Variants in RAI14 observed in about 807,000 individuals in gnomAD.
RAI14 encodes retinoic acid induced 14.
Under a neutral mutation model 115.4 loss-of-function variants are expected in RAI14, and 45 were observed. The ratio of observed to expected loss-of-function variants is 0.39; its 90% CI spans 0.31 to 0.50. The LOEUF is 0.50. Among genes scored for constraint, RAI14 ranks in the 20% least tolerant of loss-of-function variants. The pLI, the probability that RAI14 is intolerant of heterozygous loss-of-function variation, is 0.85. For synonymous variants in RAI14, 371 were observed against 415.4 expected (o/e 0.89, Z 1.30); for missense variants, 939 against 1,131.2 (o/e 0.83, Z 2.44).
chr5:34,777,016 C>T (rs780977959), intron 3 of RAI14, among the ~76,000 whole-genome samples: 14 of 151,606 alleles, frequency 9.2e-5, no homozygotes, highest in Non-Finnish European at 1.2e-4. Context: ...TAAAAAAATA[C>T]AAAAATTAGC....
intron 3 of RAI14, among the ~76,000 whole-genome samples, chr5:34,778,554 G>C (rs911686639): frequency 2.0e-5 from 3 of 152,120 alleles, no homozygotes; most frequent in African/African-American, 4.8e-5. Flanking sequence ...CTGGGCTTGA[G>C]TTAGGAAGTA....
chr5:34,672,007 T>C (rs1743653247), intron 1 of RAI14, among the ~76,000 whole-genome samples: 1 of 152,194 alleles, frequency 6.6e-6, no homozygotes, highest in Non-Finnish European at 1.5e-5. Flanking sequence ...CCCAGTTAAC[T>C]AGGATTTTGC....
At chr5:34,710,270 G>C (rs554194761) in intron 2 of RAI14, among the ~76,000 whole-genome samples, 3 of 152,268 alleles carry the variant, frequency 2.0e-5, no homozygotes, top group South Asian at 4.2e-4. Flanking sequence ...TTCTGGTTTT[G>C]CTGGCAGTTG....
At chr5:34,756,463 G>A (rs1382831467) in intron 2 of RAI14, among the ~76,000 whole-genome samples, 2 of 152,136 alleles carry the variant, frequency 1.3e-5, no homozygotes, top group Non-Finnish European at 2.9e-5. Context: ...CAGCCGAAGG[G>A]GCCAGAAAGT....
intron 1 of RAI14, among the ~76,000 whole-genome samples, chr5:34,676,346 A>G (rs1743973960): frequency 6.6e-6 from 1 of 152,236 alleles, no homozygotes; most frequent in African/African-American, 2.4e-5. Flanking sequence ...TGTAATGAAC[A>G]TCAAAAGATA....
chr5:34,714,278 C>G (rs1741752535), intron 2 of RAI14, among the ~76,000 whole-genome samples: 3 of 152,054 alleles, frequency 2.0e-5, no homozygotes, highest in Admixed American at 2.0e-4. Flanking sequence ...GTTTCTGTTC[C>G]TCAACTCATT....
chr5:34,692,496 T>C (rs956294214), intron 2 of RAI14, among the ~76,000 whole-genome samples: 1 of 152,098 alleles, frequency 6.6e-6, no homozygotes, highest in African/African-American at 2.4e-5. Context: ...ATCACGCCAC[T>C]GCACTCCAGC....
intron 4 of RAI14, among the ~76,000 whole-genome samples, chr5:34,800,428 G>C (rs529761779): frequency 6.6e-6 from 1 of 152,322 alleles, no homozygotes; most frequent in East Asian, 1.9e-4. Context: ...ACTCTAGACA[G>C]ATCCACAGCT....
rs1020542696 is a variant in RAI14, at chr5:34,728,122, C to T, written c.37-29346C>T. On this transcript the variant is annotated intron_variant, in intron 2 of 17. Transcript: ENST00000265109. ...TTTTGGACTTGCATGGGGCCTGTAGCCCCTTTGTTTTGGCCAATTTCTCCC... is the reference window on the plus strand; with the variant it reads ...TTTTGGACTTGCATGGGGCCTGTAGTCCCTTTGTTTTGGCCAATTTCTCCC... Among the ~76,000 whole-genome samples the T allele has an allele frequency of 2.6e-5, 4 of 152,290 alleles. No individual in the cohort carries two copies. In the East Asian group the frequency reaches 7.7e-4, roughly 29 times the overall value.
rs372479412 is a variant in RAI14 at position 34,795,619 on chromosome 5, A to G, written c.168-320A>G. ...TACTTAGAAATTCAACCTAGTTGGG[A>G]CTTTCTGATTTGTTTCATCAAGAGA... On this transcript the variant is annotated intron_variant, in intron 3 of 17. Transcript: ENST00000265109. Among the ~76,000 whole-genome samples the G allele has an allele frequency of 3.9e-4, 60 of 152,298 alleles. No homozygotes were observed. The South Asian group carries it at 0.012, about 31-fold the overall frequency.
At chr5:34,717,605 C>T (rs190380982) in intron 2 of RAI14, among the ~76,000 whole-genome samples, 1 of 152,172 alleles carries the variant, frequency 6.6e-6, no homozygotes, top group African/African-American at 2.4e-5. Flanking sequence ...AGCAAGGCCT[C>T]CTTAAGGATG....
chr5:34,732,013 A>G (rs1444856840), intron 2 of RAI14, among the ~76,000 whole-genome samples: 1 of 152,184 alleles, frequency 6.6e-6, no homozygotes, highest in African/African-American at 2.4e-5. Context: ...GTCTGTTTTC[A>G]GTCTCCTAAA....
At chr5:34,821,628 G>A in intron 13 of RAI14, 104 bp from the exon 14 acceptor site, 1 of 702,914 alleles carries the variant, frequency 1.4e-6, no homozygotes, top group East Asian at 2.6e-5. Flanking sequence ...TTATAATTAG[G>A]GCCAGGAAGA....
At chr5:34,746,098 C>CT (rs1415743659) in intron 2 of RAI14, among the ~76,000 whole-genome samples, 7 of 133,160 alleles carry the variant, frequency 5.3e-5, no homozygotes, top group East Asian at 2.1e-4. Flanking sequence ...CCCTCCCCCC[C>CT]CCGCCTTTTT....
intron 2 of RAI14, among the ~76,000 whole-genome samples, chr5:34,718,566 A>G (rs1388382483): frequency 2.0e-5 from 3 of 152,208 alleles, no homozygotes; most frequent in Non-Finnish European, 1.5e-5. Context: ...TCTCGTCCCC[A>G]CCAAACTGAG....
At chr5:34,713,236 A>G (rs1004985782) in intron 2 of RAI14, among the ~76,000 whole-genome samples, 2 of 152,196 alleles carry the variant, frequency 1.3e-5, no homozygotes, top group Non-Finnish European at 1.5e-5. Context: ...GGCCAAGGAT[A>G]ACATGGAGTG....
chr5:34,825,509 T>C (rs2150307253), intron 15 of RAI14, among the ~76,000 whole-genome samples: 1 of 152,238 alleles, frequency 6.6e-6, no homozygotes. Context: ...GACTTAATCC[T>C]GTTTCCCTAA....
At chr5:34,713,749 T>A (rs533592748) in intron 2 of RAI14, among the ~76,000 whole-genome samples, 8 of 151,830 alleles carry the variant, frequency 5.3e-5, no homozygotes. Flanking sequence ...TGTCTATGGG[T>A]GTAATTTCCT....
At chr5:34,712,144 T>G (rs1474993736) in intron 2 of RAI14, among the ~76,000 whole-genome samples, 4 of 152,202 alleles carry the variant, frequency 2.6e-5, no homozygotes, top group African/African-American at 9.7e-5. Flanking sequence ...CCACTTTATA[T>G]GGGGTTTCCT....
Sources: gnomAD v4.1 joint callset for allele counts (sites outside exome capture counted in the v4.1 genomes callset) on GRCh38, gnomAD v4.1.1 for gene constraint, MANE v1.5 for transcripts, NCBI Gene and HGNC (gene_info 2026-07-23, HGNC 2026-07-21) for gene names.